TMEM132D: variants seen among roughly 807,000 people sequenced by gnomAD.
The protein encoded by TMEM132D is transmembrane protein 132D.
Under a neutral mutation model 62.3 loss-of-function variants are expected in TMEM132D, and 21 were observed. The observed-to-expected ratio is 0.34, with a 90% CI of 0.24 to 0.49. The LOEUF is 0.49. Ranked by LOEUF, TMEM132D falls within the 20% of genes least tolerant of loss-of-function variation. The probability of loss-of-function intolerance (pLI) is 0.99; values close to 1 mark genes in which losing one functional copy is unlikely to be tolerated. For synonymous variants in TMEM132D, 621 were observed against 575.6 expected (o/e 1.08, Z -1.13); for missense variants, 1,346 against 1,402.8 (o/e 0.96, Z 0.65).
rs75652222 is a variant in TMEM132D, at chr12:129,893,390, TCCCACCCTC to T, written c.79+9862_79+9870del. On this transcript the variant is annotated intron_variant, in intron 1 of 8. Transcript: ENST00000422113. ...ATGATTTCTTTTGAGTAAGAAGCTC[TCCCACCCTC>T]CCCACCCTACCCACCCTGCTCAGCT... is the stretch of plus-strand genomic sequence containing the variant. 7.2e-3 allele frequency among the ~76,000 whole-genome samples: 1,073 copies of T among 149,624 alleles called. 6 individuals are homozygous for T. Among genetic ancestry groups the T allele is most frequent in the Middle Eastern group, 0.031 (9 of 292 alleles).
chr12:129,677,601 AACAC>A (rs1418966211), intron 2 of TMEM132D, among the ~76,000 whole-genome samples: 1 of 152,230 alleles, frequency 6.6e-6, no homozygotes, highest in Non-Finnish European at 1.5e-5. Flanking sequence ...TATAAAAATA[AACAC>A]ACACAAACAC....
chr12:129,217,690 C>A (rs995090514), intron 4 of TMEM132D, among the ~76,000 whole-genome samples: 3 of 150,372 alleles, frequency 2.0e-5, no homozygotes, highest in African/African-American at 7.3e-5. Context: ...AGCTAACTGG[C>A]CCATTAAGCT....
chr12:129,577,175 T>C (rs1877688098), intron 2 of TMEM132D, among the ~76,000 whole-genome samples: 3 of 151,838 alleles, frequency 2.0e-5, no homozygotes, highest in Admixed American at 2.0e-4. Flanking sequence ...TATTGTGATA[T>C]GCAATTTACT....
intron 4 of TMEM132D, among the ~76,000 whole-genome samples, chr12:129,289,897 G>C (rs1339619544): frequency 6.6e-6 from 1 of 152,160 alleles, no homozygotes; most frequent in African/African-American, 2.4e-5. Flanking sequence ...AAGAGTGTAA[G>C]AAATTATTCT....
chr12:129,135,245 A>G (rs1207758097), intron 5 of TMEM132D, among the ~76,000 whole-genome samples: 1 of 152,176 alleles, frequency 6.6e-6, no homozygotes, highest in Non-Finnish European at 1.5e-5. Flanking sequence ...TTGGATATAT[A>G]AACCAACATA....
chr12:129,112,317 T>A (rs1025624795), intron 5 of TMEM132D, among the ~76,000 whole-genome samples: 1 of 152,200 alleles, frequency 6.6e-6, no homozygotes, highest in African/African-American at 2.4e-5. Context: ...ACACCCGTGC[T>A]GTCCAAGGTA....
chr12:129,634,594 TTA>T (rs1242827245), intron 2 of TMEM132D, among the ~76,000 whole-genome samples: 8 of 152,212 alleles, frequency 5.3e-5, no homozygotes. Context: ...CTGATGCTTT[TTA>T]TATGTCTTTC....
chr12:129,488,151 A>G (rs1174316255), intron 3 of TMEM132D, among the ~76,000 whole-genome samples: 3 of 152,008 alleles, frequency 2.0e-5, no homozygotes, highest in Admixed American at 6.5e-5. Context: ...TGGACTCCCC[A>G]GCCTCCAGAA....
At chr12:129,363,844 A>AT (rs570440998) in intron 3 of TMEM132D, among the ~76,000 whole-genome samples, 115 of 152,352 alleles carry the variant, frequency 7.5e-4, no homozygotes, top group African/African-American at 2.6e-3. Context: ...CTTTAAGTCA[A>AT]TGTTGGCTTT....
chr12:129,169,895 A>G (rs894233099), intron 5 of TMEM132D, among the ~76,000 whole-genome samples: 5 of 152,224 alleles, frequency 3.3e-5, no homozygotes, highest in African/African-American at 1.2e-4. Context: ...TTCTAAGCAA[A>G]ATATTTGCAA....
At chr12:129,851,144 C>T (rs1172984780) in intron 1 of TMEM132D, among the ~76,000 whole-genome samples, 2 of 152,156 alleles carry the variant, frequency 1.3e-5, no homozygotes, top group African/African-American at 4.8e-5. Context: ...CAGATGTAGC[C>T]AGGTAGATGT....
At chr12:129,844,490 T>A (rs1382439372) in intron 1 of TMEM132D, among the ~76,000 whole-genome samples, 1 of 152,222 alleles carries the variant, frequency 6.6e-6, no homozygotes, top group African/African-American at 2.4e-5. Context: ...GGGAGATTAT[T>A]CATCACTATT....
At chr12:129,259,321 G>A (rs1277424639) in intron 4 of TMEM132D, among the ~76,000 whole-genome samples, 1 of 152,226 alleles carries the variant, frequency 6.6e-6, no homozygotes, top group Non-Finnish European at 1.5e-5. Context: ...CATCTGAGCT[G>A]TTGCCTGAAG....
chr12:129,749,561 A>C (rs942313335), intron 1 of TMEM132D, among the ~76,000 whole-genome samples: 4 of 151,754 alleles, frequency 2.6e-5, no homozygotes, highest in Middle Eastern at 3.2e-3. Context: ...CGTTCAAGCA[A>C]TTCTCCTGCC....
Position 129,867,043 on chromosome 12 carries a change from T to C in TMEM132D, c.79+36218A>G, listed in dbSNP as rs2134113. On this transcript the variant is annotated intron_variant, in intron 1 of 8. Coordinates refer to ENST00000422113, the MANE Select transcript of TMEM132D (RefSeq NM_133448.3). The surrounding 1 kb of genome is among the most constrained non-coding windows in gnomAD (Gnocchi z 4.5). The stretch of plus-strand genomic sequence containing the variant: ...CAGGCAGATGGCCTGAGCTCAGGAG[T>C]TGGAGACCAGACTGGGCAACACGGA... 0.75 allele frequency among the ~76,000 whole-genome samples: 114,085 copies of C among 151,630 alleles called. 44,962 individuals are homozygous for C. Among genetic ancestry groups the C allele is most frequent in the South Asian group, 0.93 (4,495 of 4,818 alleles).
intron 2 of TMEM132D, among the ~76,000 whole-genome samples, chr12:129,589,017 C>T (rs1878117592): frequency 6.6e-6 from 1 of 151,890 alleles, no homozygotes; most frequent in African/African-American, 2.4e-5. Flanking sequence ...CTTGGAAGCA[C>T]TCATCTTTTT....
intron 1 of TMEM132D, among the ~76,000 whole-genome samples, chr12:129,881,583 A>T (rs1295366726): frequency 6.6e-6 from 1 of 152,050 alleles, no homozygotes; most frequent in Non-Finnish European, 1.5e-5. Context: ...AATTTATGAC[A>T]AATATCTAAA....
chr12:129,515,731 C>T (rs1273742675), intron 3 of TMEM132D, among the ~76,000 whole-genome samples: 2 of 152,182 alleles, frequency 1.3e-5, no homozygotes, highest in African/African-American at 4.8e-5. Context: ...TTGCTATATC[C>T]CCAACCCCAT....
At chr12:129,898,365 G>T (rs1875219807) in intron 1 of TMEM132D, among the ~76,000 whole-genome samples, 1 of 152,122 alleles carries the variant, frequency 6.6e-6, no homozygotes, top group East Asian at 1.9e-4. Context: ...TCCCCTAGAA[G>T]AACTTAAAAT....
Sources: allele counts gnomAD v4.1 joint callset (sites outside exome capture counted in the v4.1 genomes callset), GRCh38; gene constraint gnomAD v4.1.1; non-coding constraint Gnocchi (gnomAD v3.1); transcripts MANE v1.5; gene names NCBI Gene and HGNC (gene_info 2026-07-23, HGNC 2026-07-21).